GRM5: variants seen among roughly 807,000 people sequenced by gnomAD.
GRM5 encodes metabotropic glutamate receptor 5.
GRM5 carries 19 observed loss-of-function variants against 83.1 expected under a neutral mutation model. The ratio of observed to expected loss-of-function variants is 0.23; its 90% CI spans 0.16 to 0.34. The LOEUF (loss-of-function observed/expected upper bound fraction) is 0.34. Among genes scored for constraint, GRM5 ranks in the 10% least tolerant of loss-of-function variants. The pLI is 1.00. For missense variants in GRM5, 1,160 were observed against 1,588.3 expected (o/e 0.73, Z 4.58); for synonymous variants, 675 against 633.6 (o/e 1.07, Z -0.98).
At chr11:88,869,685 C>A (rs1408691818) in intron 2 of GRM5, among the ~76,000 whole-genome samples, 2 of 151,432 alleles carry the variant, frequency 1.3e-5, no homozygotes, top group African/African-American at 4.8e-5. Context: ...TTTTCAAACT[C>A]AAGCTAATAG....
chr11:88,600,617 T>A (rs1937958048), intron 5 of GRM5, among the ~76,000 whole-genome samples: 1 of 152,068 alleles, frequency 6.6e-6, no homozygotes, highest in Non-Finnish European at 1.5e-5. Context: ...GCATTTAAGG[T>A]AAACTAGAGA....
Position 88,604,709 on chromosome 11 carries a change from A to G in GRM5, c.1394+9T>C, listed in dbSNP as rs751618347. 6.2e-7 allele frequency: 1 copy of G among 1,601,326 alleles called. No individual in the cohort carries two copies. Reference sequence around the variant, plus strand: ...CTCTACTCTGCAGAGGAGAATTGTAACACAATACCTTCCTGGAGAGTCTCC... The same window carrying G: ...CTCTACTCTGCAGAGGAGAATTGTAGCACAATACCTTCCTGGAGAGTCTCC... On this transcript the variant is annotated intron_variant, in intron 5 of 9. Coordinates refer to ENST00000305447, the MANE Select transcript of GRM5 (RefSeq NM_001143831.3).
intron 3 of GRM5, among the ~76,000 whole-genome samples, chr11:88,722,448 G>T (rs72643311): frequency 6.6e-6 from 1 of 152,064 alleles, no homozygotes; most frequent in Non-Finnish European, 1.5e-5. Context: ...GAACTCGGAA[G>T]TGAGAGGAAT....
chr11:89,015,651 C>T (rs375331535), intron 2 of GRM5, among the ~76,000 whole-genome samples: 101 of 152,180 alleles, frequency 6.6e-4, no homozygotes, highest in Middle Eastern at 3.4e-3. Context: ...TTTTAAAAGC[C>T]CAGGTAGCAC....
At chr11:88,822,103 A>G (rs1943809308) in intron 3 of GRM5, among the ~76,000 whole-genome samples, 1 of 152,162 alleles carries the variant, frequency 6.6e-6, no homozygotes, top group Admixed American at 6.6e-5. Flanking sequence ...TATACCACAT[A>G]TTTTGTGAGC....
intron 3 of GRM5, among the ~76,000 whole-genome samples, chr11:88,723,386 C>A (rs978932103): frequency 3.3e-5 from 5 of 152,058 alleles, no homozygotes; most frequent in Non-Finnish European, 7.4e-5. Flanking sequence ...GCTCAACTGG[C>A]AAAATGCAAA....
intron 3 of GRM5, among the ~76,000 whole-genome samples, chr11:88,687,140 A>G (rs945546773): frequency 2.4e-4 from 37 of 152,138 alleles, no homozygotes; most frequent in African/African-American, 8.7e-4. Context: ...CTAGATTCAC[A>G]TTCTCTGACA....
intron 2 of GRM5, among the ~76,000 whole-genome samples, chr11:88,946,801 T>C (rs1032447351): frequency 6.6e-6 from 1 of 152,074 alleles, no homozygotes; most frequent in African/African-American, 2.4e-5. Context: ...CTTTCTTTTG[T>C]GGGGGTTACT....
At chr11:88,545,859 C>G (rs538105275) in intron 8 of GRM5, among the ~76,000 whole-genome samples, 1 of 152,170 alleles carries the variant, frequency 6.6e-6, no homozygotes, top group South Asian at 2.1e-4. Flanking sequence ...GCTTCCGAAG[C>G]TTCCTATCAC....
intron 3 of GRM5, among the ~76,000 whole-genome samples, chr11:88,660,516 A>G (rs779356493): frequency 3.9e-5 from 6 of 152,212 alleles, no homozygotes; most frequent in Non-Finnish European, 8.8e-5. Context: ...CAAACAACAT[A>G]AGTACATTCT....
At chr11:88,758,678 C>T (rs902471411) in intron 3 of GRM5, among the ~76,000 whole-genome samples, 10 of 152,128 alleles carry the variant, frequency 6.6e-5, no homozygotes, top group African/African-American at 2.4e-4. Context: ...TTCAGGATAT[C>T]ATTCATAAGA....
intron 3 of GRM5, among the ~76,000 whole-genome samples, chr11:88,662,510 A>G (rs1242342254): frequency 1.3e-5 from 2 of 152,078 alleles, no homozygotes; most frequent in African/African-American, 4.8e-5. Flanking sequence ...TAGTTATTCA[A>G]TCAAACACTC....
intron 7 of GRM5, among the ~76,000 whole-genome samples, chr11:88,571,403 G>A (rs1461386345): frequency 6.6e-6 from 1 of 152,064 alleles, no homozygotes; most frequent in African/African-American, 2.4e-5. Context: ...TTAGTTTGAT[G>A]CCTTCATTGC....
At chr11:88,652,604 T>A (rs569300914) in intron 4 of GRM5, among the ~76,000 whole-genome samples, 2 of 152,240 alleles carry the variant, frequency 1.3e-5, no homozygotes, top group African/African-American at 4.8e-5. Flanking sequence ...GGTACATTCT[T>A]AGCATCTTAT....
intron 2 of GRM5, among the ~76,000 whole-genome samples, chr11:88,971,630 G>T (rs1219410092): frequency 6.6e-6 from 1 of 152,092 alleles, no homozygotes; most frequent in Non-Finnish European, 1.5e-5. Context: ...TTTTATGGTT[G>T]CATAGTATTC....
intron 2 of GRM5, among the ~76,000 whole-genome samples, chr11:88,860,027 C>T (rs981973708): frequency 6.6e-6 from 1 of 152,064 alleles, no homozygotes; most frequent in African/African-American, 2.4e-5. Context: ...GTATTAGTTA[C>T]TTAACTACAT....
rs959095806 is a variant in GRM5, at chr11:88,970,499, G to C, written c.661+76713C>G. Among the ~76,000 whole-genome samples the C allele has an allele frequency of 4.0e-4, 61 of 152,200 alleles. 1 individual carries two copies. The highest frequency in any genetic ancestry group is 1.2e-3 in the African/African-American group (51 of 41,448). Reference sequence around the variant, plus strand: ...CATTTGGCCTCAAGTAGCTAAAAAGGAAGCTGAAATGGAGCCTTACTCTGT... The same window carrying C: ...CATTTGGCCTCAAGTAGCTAAAAAGCAAGCTGAAATGGAGCCTTACTCTGT... On this transcript the variant is annotated intron_variant, in intron 2 of 9. Transcript: ENST00000305447.
chr11:89,043,413 A>G (rs1323880630), intron 2 of GRM5, among the ~76,000 whole-genome samples: 1 of 152,216 alleles, frequency 6.6e-6, no homozygotes, highest in African/African-American at 2.4e-5. Flanking sequence ...ATAATGAAAT[A>G]TATTCAAGCG....
At chr11:88,976,529 C>A (rs1160625994) in intron 2 of GRM5, among the ~76,000 whole-genome samples, 2 of 133,082 alleles carry the variant, frequency 1.5e-5, no homozygotes, top group African/African-American at 6.3e-5. Flanking sequence ...AATCCAAGTG[C>A]TGAACACAGG....
Sources: allele counts gnomAD v4.1 joint callset (sites outside exome capture counted in the v4.1 genomes callset), GRCh38; gene constraint gnomAD v4.1.1; transcripts MANE v1.5; gene names NCBI Gene and HGNC (gene_info 2026-07-23, HGNC 2026-07-21).